RUVBL1: variants seen among roughly 807,000 people sequenced by gnomAD.
The protein encoded by RUVBL1 is ruvB-like 1.
In RUVBL1, 4 loss-of-function variants were observed where a neutral mutation model predicts 52.4. That is an observed-to-expected ratio of 0.08 (90% confidence interval 0.04 to 0.17). The LOEUF is 0.17. Ranked by LOEUF, RUVBL1 falls within the 10% of genes least tolerant of loss-of-function variation. RUVBL1 has a pLI of 1.00. For synonymous variants in RUVBL1, 217 were observed against 214.4 expected (o/e 1.01, Z -0.10); for missense variants, 298 against 572.8 (o/e 0.52, Z 4.90).
At chr3:128,132,698 A>T (rs1943897725) in intron 1 of RUVBL1, among the ~76,000 whole-genome samples, 1 of 152,180 alleles carries the variant, frequency 6.6e-6, no homozygotes, top group South Asian at 2.1e-4. Flanking sequence ...AGGATTCATC[A>T]TCTGCTGAGT....
chr3:128,090,336 G>A (rs922044310), intron 8 of RUVBL1, among the ~76,000 whole-genome samples: 3 of 151,886 alleles, frequency 2.0e-5, no homozygotes, highest in Admixed American at 6.6e-5. Flanking sequence ...TTGAGACCAC[G>A]GTGAAACCCC....
At chr3:128,094,524 C>A (rs143759252) in intron 8 of RUVBL1, among the ~76,000 whole-genome samples, 33 of 152,308 alleles carry the variant, frequency 2.2e-4, no homozygotes, top group African/African-American at 6.7e-4. Flanking sequence ...TGTGGGAGAG[C>A]AGTGAGAGCA....
chr3:128,119,433 A>G lies in RUVBL1; in HGVS notation c.142-19T>C, dbSNP rs773060012. ...CACATGCCTACACACCACAATGGAAAGAAATAATAAATCAATATTAAAATG... is the reference window on the plus strand; with the variant it reads ...CACATGCCTACACACCACAATGGAAGGAAATAATAAATCAATATTAAAATG... On this transcript the variant is annotated intron_variant, in intron 1 of 10. Coordinates refer to ENST00000322623, the MANE Select transcript of RUVBL1 (RefSeq NM_003707.3). 1.3e-6 allele frequency: 2 copies of G among 1,586,000 alleles called. No homozygotes were observed. The highest frequency in any genetic ancestry group is 1.1e-5 in the South Asian group (1 of 89,546).
rs544513075 is a variant in RUVBL1 at position 128,120,891 on chromosome 3, G to T, written c.142-1477C>A. On this transcript the variant is annotated intron_variant, in intron 1 of 10. Transcript: ENST00000322623. ...TGCTACTCGGGAGGCTGAGGCAGAA[G>T]AATGGCGTGAACCCAGGAGGCGGAG... Among the ~76,000 whole-genome samples, 9 of 151,812 alleles carry T rather than the reference G, an allele frequency of 5.9e-5. No homozygotes were observed. The East Asian group carries it at 1.8e-3, about 30-fold the overall frequency.
chr3:128,085,131 C>A (rs1559807557), intron 9 of RUVBL1: 1 of 152,166 alleles, frequency 6.6e-6, no homozygotes, highest in Non-Finnish European at 1.5e-5. Flanking sequence ...CTAGAGGGTA[C>A]CTATGAAGCA....
At chr3:128,147,094 C>G (rs866183784) in intron 1 of RUVBL1, among the ~76,000 whole-genome samples, 5 of 152,182 alleles carry the variant, frequency 3.3e-5, no homozygotes, top group African/African-American at 1.2e-4. Flanking sequence ...ATTATTGAGA[C>G]AAGGTTTTGC....
upstream of RUVBL1, among the ~76,000 whole-genome samples, chr3:128,126,775 C>T (rs368669238): frequency 1.3e-5 from 2 of 152,322 alleles, no homozygotes; most frequent in East Asian, 1.9e-4. Flanking sequence ...GTCCAATAAA[C>T]AGCAAGTGAG....
intron 9 of RUVBL1, among the ~76,000 whole-genome samples, chr3:128,074,842 CA>C (rs386397876): frequency 0.22 from 16,344 of 72,734 alleles, 716 homozygotes; most frequent in African/African-American, 0.37. Flanking sequence ...AACTCCGTCT[CA>C]AAAAAAAAAA....
rs148483625 is a variant in RUVBL1 at position 128,082,504 on chromosome 3, A to G, written c.1190T>C (p.Ile397Thr). 5.0e-6 allele frequency: 8 copies of G among 1,613,636 alleles called. No individual in the cohort carries two copies. The African/African-American group carries it at 8.0e-5, about 16-fold the overall frequency. ...TCACCTCAGTGTGGTCTTGGTGCCA[A>G]TCTCCCCCAGGTGGTTCAGTGCCTC... ...SEEALNHLGE[I>T]GTKTTLRYSV... The change falls in exon 10 of 11, where the codon ATT becomes ACT. Residue 397 changes from isoleucine to threonine, a missense_variant. Physicochemically the swap from Ile to Thr is moderately conservative, Grantham distance 89. Transcript: ENST00000322623. This position sits in a 1 kb window ranked among gnomAD's most constrained non-coding sequence, Gnocchi z 4.7.
intron 1 of RUVBL1, among the ~76,000 whole-genome samples, chr3:128,120,717 G>C (rs1653130039): frequency 6.6e-6 from 1 of 152,064 alleles, no homozygotes; most frequent in Non-Finnish European, 1.5e-5. Flanking sequence ...GAAGTACCTT[G>C]GTCCCACACT....
intron 1 of RUVBL1, among the ~76,000 whole-genome samples, chr3:128,130,641 T>G (rs1013780447): frequency 6.7e-6 from 1 of 149,094 alleles, no homozygotes; most frequent in Non-Finnish European, 1.5e-5. Flanking sequence ...ATTTATTTAT[T>G]TATTTATTTA....
intron 2 of RUVBL1, 142 bp downstream of exon 2, chr3:128,119,186 T>C: frequency 1.9e-6 from 1 of 536,526 alleles, no homozygotes; most frequent in Non-Finnish European, 3.3e-6. Context: ...AGATACCCAA[T>C]TGTATTATTG....
chr3:128,102,908 G>A (rs1943136936), intron 4 of RUVBL1, among the ~76,000 whole-genome samples: 1 of 152,208 alleles, frequency 6.6e-6, no homozygotes, highest in African/African-American at 2.4e-5. Flanking sequence ...GCTGGGTGGG[G>A]ACGGCAGACC....
At chr3:128,130,547 G>A (rs1306016827) in intron 1 of RUVBL1, among the ~76,000 whole-genome samples, 1 of 146,642 alleles carries the variant, frequency 6.8e-6, no homozygotes, top group Non-Finnish European at 1.5e-5. Flanking sequence ...GATTGTTTGA[G>A]GTCAGGAGTT....
chr3:128,143,155 A>T (rs1224297638), intron 1 of RUVBL1, among the ~76,000 whole-genome samples: 1 of 143,872 alleles, frequency 7.0e-6, no homozygotes, highest in Non-Finnish European at 1.5e-5. Flanking sequence ...TAATCTCCTC[A>T]TCTCAAGACC....
chr3:128,131,223 TGG>T (rs1413960538), intron 1 of RUVBL1, among the ~76,000 whole-genome samples: 1 of 152,052 alleles, frequency 6.6e-6, no homozygotes, highest in Non-Finnish European at 1.5e-5. Flanking sequence ...TAAAACAGGC[TGG>T]GCATGGTGGT....
intron 1 of RUVBL1, among the ~76,000 whole-genome samples, chr3:128,130,798 C>T (rs181495162): frequency 0.013 from 2,003 of 151,914 alleles, 37 homozygotes; most frequent in African/African-American, 0.046. Flanking sequence ...CTACATGCGC[C>T]TGCCACCACG....
intron 3 of RUVBL1, among the ~76,000 whole-genome samples, chr3:128,110,965 G>C (rs1943377219): frequency 1.3e-5 from 2 of 151,888 alleles, no homozygotes; most frequent in Non-Finnish European, 2.9e-5. Context: ...GGTGGCTCAT[G>C]CCTGTAACCC....
chr3:128,097,243 C>T (rs1301145474), intron 8 of RUVBL1, 57 bp downstream of exon 8: 1 of 1,509,940 alleles, frequency 6.6e-7, no homozygotes, highest in African/African-American at 1.4e-5. Flanking sequence ...TCCTGAGGAA[C>T]AAATGAGCCC....
Sources: gnomAD v4.1 joint callset for allele counts (sites outside exome capture counted in the v4.1 genomes callset) on GRCh38, gnomAD v4.1.1 for gene constraint, Gnocchi (gnomAD v3.1) non-coding constraint, MANE v1.5 for transcripts, NCBI Gene and HGNC (gene_info 2026-07-23, HGNC 2026-07-21) for gene names.